Variants in KIAA0825 observed in about 807,000 individuals in gnomAD.
The protein encoded by KIAA0825 is uncharacterized protein KIAA0825.
In KIAA0825, 119 loss-of-function variants were observed where a neutral mutation model predicts 147.6. That is an observed-to-expected ratio of 0.81 (90% CI 0.69 to 0.94). The LOEUF (loss-of-function observed/expected upper bound fraction) is 0.94, where lower values mean the gene tolerates loss of function less well. Ranked by LOEUF, KIAA0825 falls within the 40% of genes least tolerant of loss-of-function variation. KIAA0825 has a pLI of 0.00. For synonymous variants in KIAA0825, 470 were observed against 518.1 expected, an observed-to-expected ratio of 0.91 and a Z score of 1.26; for missense variants, 1,381 against 1,472.7, an observed-to-expected ratio of 0.94 and a Z score of 1.02.
chr5:94,285,609 G>C (rs551215371), intron 20 of KIAA0825, among the ~76,000 whole-genome samples: 1 of 152,320 alleles, frequency 6.6e-6, no homozygotes, highest in Admixed American at 6.5e-5. Context: ...TAGGTTGTCA[G>C]TGATGCAGGG....
At chr5:94,471,017 T>C (rs1761149889) in intron 9 of KIAA0825, among the ~76,000 whole-genome samples, 1 of 152,230 alleles carries the variant, frequency 6.6e-6, no homozygotes, top group African/African-American at 2.4e-5. Context: ...TATACTTTAC[T>C]ACTAAATGGC....
chr5:94,434,223 A>G (rs1046734599), intron 14 of KIAA0825, among the ~76,000 whole-genome samples: 4 of 152,268 alleles, frequency 2.6e-5, no homozygotes, highest in Admixed American at 6.5e-5. Context: ...ATTAAGTTTT[A>G]GCAATGTAAT....
At chr5:94,452,315 C>T (rs1355941952) in intron 13 of KIAA0825, among the ~76,000 whole-genome samples, 1 of 152,134 alleles carries the variant, frequency 6.6e-6, no homozygotes, top group Non-Finnish European at 1.5e-5. Flanking sequence ...GGTAAAATAG[C>T]TGATAGTGTA....
At chr5:94,241,194 A>G (rs1245717026) in intron 20 of KIAA0825, among the ~76,000 whole-genome samples, 7 of 152,204 alleles carry the variant, frequency 4.6e-5, no homozygotes, top group African/African-American at 1.7e-4. Flanking sequence ...ACATATTTCC[A>G]ATCTATCTCA....
Position 94,201,074 on chromosome 5 carries a change from T to C in KIAA0825, c.3711-46950A>G, listed in dbSNP as rs997963096. ...GTAGCAGTATCTGCATAAAAATACTTTGTGGAAGCATAATATGTAAAGCAT... is the reference window on the plus strand; with the variant it reads ...GTAGCAGTATCTGCATAAAAATACTCTGTGGAAGCATAATATGTAAAGCAT... On this transcript the variant is annotated intron_variant, in intron 20 of 20. Transcript: ENST00000682413. 8.1e-5 allele frequency among the ~76,000 whole-genome samples: 12 copies of C among 148,458 alleles called. No individual in the cohort carries two copies. The East Asian group carries it at 2.2e-3, about 27-fold the overall frequency.
intron 20 of KIAA0825, among the ~76,000 whole-genome samples, chr5:94,218,423 G>A (rs1205647762): frequency 6.6e-6 from 1 of 152,182 alleles, no homozygotes; most frequent in Non-Finnish European, 1.5e-5. Flanking sequence ...CCATCCAAAA[G>A]CATTCCAAGC....
At chr5:94,196,651 A>T (rs142878283) in intron 20 of KIAA0825, among the ~76,000 whole-genome samples, 1 of 152,060 alleles carries the variant, frequency 6.6e-6, no homozygotes, top group South Asian at 2.1e-4. Context: ...CCCAATGTCT[A>T]TTGTTCCCAT....
At chr5:94,252,165 CTT>C (rs538951063) in intron 20 of KIAA0825, among the ~76,000 whole-genome samples, 34 of 152,080 alleles carry the variant, frequency 2.2e-4, no homozygotes, top group Middle Eastern at 3.4e-3. Context: ...TCACTACACT[CTT>C]AGCACAATTA....
At chr5:94,184,792 C>T (rs542474051) in intron 20 of KIAA0825, among the ~76,000 whole-genome samples, 5 of 152,216 alleles carry the variant, frequency 3.3e-5, no homozygotes, top group African/African-American at 1.2e-4. Flanking sequence ...TCTTTGGTAT[C>T]TATTTAAATT....
intron 20 of KIAA0825, among the ~76,000 whole-genome samples, chr5:94,312,494 A>G (rs1416404188): frequency 1.3e-5 from 2 of 151,774 alleles, no homozygotes; most frequent in African/African-American, 2.4e-5. Flanking sequence ...ATTGTTGTCT[A>G]TTGTGTCAAT....
intron 12 of KIAA0825, among the ~76,000 whole-genome samples, chr5:94,457,049 T>A (rs373697146): frequency 7.0e-4 from 107 of 152,338 alleles, no homozygotes; most frequent in Middle Eastern, 6.8e-3. Context: ...CTGGTTATAG[T>A]AAGGTTATTT....
intron 1 of KIAA0825, among the ~76,000 whole-genome samples, chr5:94,599,259 G>T (rs1178708816): frequency 6.6e-6 from 1 of 150,684 alleles, no homozygotes; most frequent in South Asian, 2.1e-4. Flanking sequence ...TATACTTATT[G>T]GGCATTTGTA....
At chr5:94,408,840 T>C (rs1471133062) in intron 15 of KIAA0825, among the ~76,000 whole-genome samples, 1 of 152,240 alleles carries the variant, frequency 6.6e-6, no homozygotes, top group Non-Finnish European at 1.5e-5. Flanking sequence ...ATTTCTGGTG[T>C]GAATTTTTCT....
chr5:94,383,055 G>T (rs536579916), intron 20 of KIAA0825, among the ~76,000 whole-genome samples: 2 of 152,226 alleles, frequency 1.3e-5, no homozygotes, highest in Non-Finnish European at 2.9e-5. Context: ...AGAGGCCCTG[G>T]CCTCTCCTCC....
chr5:94,463,937 G>C (rs1760146554), intron 11 of KIAA0825, among the ~76,000 whole-genome samples: 1 of 151,658 alleles, frequency 6.6e-6, no homozygotes, highest in Non-Finnish European at 1.5e-5. Flanking sequence ...TTTTAAAAGA[G>C]TCTGGTCAGT....
intron 2 of KIAA0825, among the ~76,000 whole-genome samples, chr5:94,574,090 G>A (rs1353908636): frequency 2.0e-5 from 3 of 152,124 alleles, no homozygotes; most frequent in Non-Finnish European, 4.4e-5. Flanking sequence ...GATAGGAAAG[G>A]CAAGCCCCAA....
rs572161691 is a variant in KIAA0825, at chr5:94,290,058, G to A, written c.3710+94310C>T. ...CCATTTTACTGATTGAAAAAAAAAT[G>A]AACAAATTTAATTGAATAGCACATC... is the stretch of plus-strand genomic sequence containing the variant. On this transcript the variant is annotated intron_variant, in intron 20 of 20. Transcript: ENST00000682413. Among the ~76,000 whole-genome samples the A allele has an allele frequency of 2.6e-5, 4 of 151,992 alleles. No homozygotes were observed. The South Asian group carries it at 8.3e-4, about 32-fold the overall frequency.
intron 20 of KIAA0825, among the ~76,000 whole-genome samples, chr5:94,321,197 G>A (rs1780158153): frequency 6.6e-6 from 1 of 151,836 alleles, no homozygotes; most frequent in Admixed American, 6.6e-5. Context: ...TATTTTAATG[G>A]GTTAAATACC....
intron 20 of KIAA0825, among the ~76,000 whole-genome samples, chr5:94,220,037 T>A (rs139190725): frequency 1.3e-5 from 2 of 152,354 alleles, no homozygotes; most frequent in East Asian, 3.9e-4. Flanking sequence ...GTAATAACAT[T>A]TAGCTTAAAA....
Sources: gnomAD v4.1 joint callset for allele counts (sites outside exome capture counted in the v4.1 genomes callset) on GRCh38, gnomAD v4.1.1 for gene constraint, MANE v1.5 for transcripts, NCBI Gene and HGNC (gene_info 2026-07-23, HGNC 2026-07-21) for gene names.